KMT2C: variants seen among roughly 807,000 people sequenced by gnomAD.
KMT2C encodes the protein histone-lysine N-methyltransferase 2C.
KMT2C carries 88 observed loss-of-function variants against 507.9 expected under a neutral mutation model. The ratio of observed to expected loss-of-function variants is 0.17; its 90% CI spans 0.15 to 0.21. The LOEUF (loss-of-function observed/expected upper bound fraction) is 0.21, where lower values mean the gene tolerates loss of function less well. Ranked by LOEUF, KMT2C falls within the 10% of genes least tolerant of loss-of-function variation. The pLI, the probability that KMT2C is intolerant of heterozygous loss-of-function variation, is 1.00. For synonymous variants in KMT2C, 2,049 were observed against 2,080.8 expected (o/e 0.98, Z 0.42); for missense variants, 4,954 against 5,957.8 (o/e 0.83, Z 5.55).
intron 31 of KMT2C, among the ~76,000 whole-genome samples, chr7:152,192,571 G>A (rs1364760451): frequency 1.3e-5 from 2 of 151,696 alleles, no homozygotes; most frequent in African/African-American, 2.4e-5. Context: ...AAGCACATAG[G>A]AACAATTAAG....
intron 23 of KMT2C, among the ~76,000 whole-genome samples, chr7:152,208,969 C>A (rs377435959): frequency 6.7e-6 from 1 of 149,248 alleles, no homozygotes; most frequent in African/African-American, 2.5e-5. Context: ...AGTTCCGTAC[C>A]AGCCTGACCA....
At chr7:152,434,497 C>A (rs935097468) in intron 1 of KMT2C, among the ~76,000 whole-genome samples, 2 of 152,176 alleles carry the variant, frequency 1.3e-5, no homozygotes, top group Non-Finnish European at 2.9e-5. Context: ...AGTGAATGCA[C>A]CCGAACCAAA....
chr7:152,159,214 T>C (rs952383961), intron 43 of KMT2C, 142 bp from the exon 44 acceptor site: 25 of 687,964 alleles, frequency 3.6e-5, no homozygotes, highest in Admixed American at 8.1e-5. Flanking sequence ...GTGGTGTCAA[T>C]GCTGGTTTTC....
chr7:152,410,624 T>C (rs1416820853), intron 1 of KMT2C, among the ~76,000 whole-genome samples: 1 of 140,222 alleles, frequency 7.1e-6, no homozygotes, highest in African/African-American at 2.6e-5. Flanking sequence ...TATATTATAT[T>C]ATAAATATTA....
At chr7:152,345,332 C>G (rs1359727969) in intron 2 of KMT2C, among the ~76,000 whole-genome samples, 1 of 152,108 alleles carries the variant, frequency 6.6e-6, no homozygotes, top group Non-Finnish European at 1.5e-5. Context: ...GTCCCAGCTA[C>G]TTGCGAAGCT....
At chr7:152,428,624 T>C (rs1268678438) in intron 1 of KMT2C, among the ~76,000 whole-genome samples, 5 of 150,088 alleles carry the variant, frequency 3.3e-5, no homozygotes, top group Non-Finnish European at 5.9e-5. Context: ...AGAGTAAAAC[T>C]CCATCTCAAA....
In KMT2C at chr7:152,195,829, G is replaced by A. The variant is rs1169241313; in HGVS notation, c.4378+78C>T. On this transcript the variant is annotated intron_variant, in intron 28 of 58. Transcript: ENST00000262189. ...ACAGTTACTGGGAAACAGACAAAAG[G>A]CTAAACTTGTTCCACACATCATACA... 2.0e-5 allele frequency: 15 copies of A among 741,718 alleles called. No individual in the cohort carries two copies. In the Admixed American group the frequency reaches 4.6e-4, roughly 23 times the overall value. The allele number at this position is 741,718 out of a possible 1,614,324, so 45.9% of individuals were successfully genotyped here. A position where few individuals can be genotyped will look rare whatever the true frequency, so the allele number is the denominator to read the frequency against.
At chr7:152,249,980 C>G (rs2129165588) in intron 12 of KMT2C, 27 bp from the exon 13 acceptor site, 1 of 1,472,974 alleles carries the variant, frequency 6.8e-7, no homozygotes, top group Non-Finnish European at 9.5e-7. Context: ...TATAAAATCT[C>G]TAAGGAGTCA....
chr7:152,216,559 C>T (rs1004134421), intron 23 of KMT2C, among the ~76,000 whole-genome samples: 9 of 152,140 alleles, frequency 5.9e-5, no homozygotes, highest in African/African-American at 9.7e-5. Context: ...TTCATCAAGT[C>T]TCTCCCTAAT....
intron 1 of KMT2C, among the ~76,000 whole-genome samples, chr7:152,400,739 C>A (rs940544062): frequency 6.6e-6 from 1 of 152,142 alleles, no homozygotes; most frequent in Admixed American, 6.6e-5. Flanking sequence ...TGCATTAAAA[C>A]AAGTTAGTAA....
At chr7:152,227,098 C>T (rs540501573) in intron 18 of KMT2C, among the ~76,000 whole-genome samples, 1 of 152,210 alleles carries the variant, frequency 6.6e-6, no homozygotes. Context: ...GGTCTCTACA[C>T]CCACATCCAC....
chr7:152,195,015 T>C (rs750078882), intron 28 of KMT2C, among the ~76,000 whole-genome samples: 39 of 152,192 alleles, frequency 2.6e-4, no homozygotes, highest in Middle Eastern at 3.2e-3. Context: ...ATGCTCAGTG[T>C]TTAATATTAT....
At chr7:152,326,739 G>C (rs1410828137) in intron 3 of KMT2C, among the ~76,000 whole-genome samples, 1 of 152,090 alleles carries the variant, frequency 6.6e-6, no homozygotes, top group Non-Finnish European at 1.5e-5. Flanking sequence ...AAATTAGCCG[G>C]GTGTGGTGGC....
intron 31 of KMT2C, among the ~76,000 whole-genome samples, chr7:152,190,522 T>C (rs1438426627): frequency 6.6e-6 from 1 of 152,192 alleles, no homozygotes; most frequent in African/African-American, 2.4e-5. Context: ...CCCACAGAAA[T>C]TAAATAATTT....
intron 6 of KMT2C, among the ~76,000 whole-genome samples, chr7:152,293,236 G>T (rs1447883741): frequency 6.6e-6 from 1 of 152,266 alleles, no homozygotes; most frequent in East Asian, 1.9e-4. Flanking sequence ...TCAATAAATG[G>T]TGTAGTAACA....
At chr7:152,165,923 G>A (rs1445861603) in intron 42 of KMT2C, among the ~76,000 whole-genome samples, 1 of 151,962 alleles carries the variant, frequency 6.6e-6, no homozygotes, top group Non-Finnish European at 1.5e-5. Context: ...CCTGGCCTCA[G>A]GTGATCCGCC....
intron 37 of KMT2C, 65 bp downstream of exon 37, chr7:152,179,769 C>T (rs1242897391): frequency 1.4e-5 from 20 of 1,474,558 alleles, no homozygotes; most frequent in Non-Finnish European, 1.4e-5. Flanking sequence ...CACAAGCCAC[C>T]ACACCCAGCT....
intron 11 of KMT2C, 48 bp downstream of exon 11, chr7:152,251,888 CACA>C (rs2095567887): frequency 2.9e-6 from 4 of 1,399,326 alleles, no homozygotes; most frequent in East Asian, 2.4e-5. Flanking sequence ...GATACAATGG[CACA>C]ACATTACAAA....
At chr7:152,427,049 T>C (rs1039913295) in intron 1 of KMT2C, among the ~76,000 whole-genome samples, 1 of 152,054 alleles carries the variant, frequency 6.6e-6, no homozygotes, top group Non-Finnish European at 1.5e-5. Context: ...AGAGTCTCAC[T>C]CTGTCGCCCA....
Sources: allele counts gnomAD v4.1 joint callset (sites outside exome capture counted in the v4.1 genomes callset), GRCh38; gene constraint gnomAD v4.1.1; transcripts MANE v1.5; gene names NCBI Gene and HGNC (gene_info 2026-07-23, HGNC 2026-07-21).